The following MACROD2 variants were observed in gnomAD, a reference collection of about 807,000 sequenced individuals.
MACROD2 encodes the protein mono-ADP ribosylhydrolase 2.
In MACROD2, 36 loss-of-function variants were observed where a neutral mutation model predicts 70.4. The observed-to-expected ratio is 0.51, with a 90% CI of 0.39 to 0.68. MACROD2 has a LOEUF of 0.68. Ranked by LOEUF, MACROD2 falls within the 30% of genes least tolerant of loss-of-function variation. The probability of loss-of-function intolerance (pLI) is 0.00; values close to 1 mark genes in which losing one functional copy is unlikely to be tolerated. For missense variants in MACROD2, 496 were observed against 538.4 expected, an observed-to-expected ratio of 0.92 and a Z score of 0.78; for synonymous variants, 172 against 178.8, an observed-to-expected ratio of 0.96 and a Z score of 0.30.
intron 10 of MACROD2, among the ~76,000 whole-genome samples, chr20:15,905,566 A>G (rs2065134509): frequency 6.6e-6 from 1 of 152,216 alleles, no homozygotes; most frequent in East Asian, 1.9e-4. Context: ...ATTGTTTTCA[A>G]TGTTGACACC....
chr20:14,027,011 C>T (rs2053177637), intron 2 of MACROD2, among the ~76,000 whole-genome samples: 1 of 152,208 alleles, frequency 6.6e-6, no homozygotes, highest in Non-Finnish European at 1.5e-5. Flanking sequence ...CTAGGTGACA[C>T]CTCCCAGCAG....
At chr20:14,596,337 G>A (rs1227305093) in intron 4 of MACROD2, among the ~76,000 whole-genome samples, 3 of 150,518 alleles carry the variant, frequency 2.0e-5, no homozygotes, top group East Asian at 1.9e-4. Context: ...TGATCCTCCC[G>A]CCTCGGCCTC....
intron 8 of MACROD2, among the ~76,000 whole-genome samples, chr20:15,749,044 G>A (rs1229367142): frequency 6.6e-6 from 1 of 151,974 alleles, no homozygotes; most frequent in Non-Finnish European, 1.5e-5. Context: ...CAAATACATA[G>A]CTCTTACCAT....
At chr20:14,176,002 T>G (rs1337647645) in intron 3 of MACROD2, among the ~76,000 whole-genome samples, 1 of 152,220 alleles carries the variant, frequency 6.6e-6, no homozygotes, top group African/African-American at 2.4e-5. Context: ...CAAATATAAA[T>G]ATAGTTCAGC....
chr20:14,548,713 G>T (rs1187122302), intron 4 of MACROD2, among the ~76,000 whole-genome samples: 1 of 8,754 alleles, frequency 1.1e-4, no homozygotes, highest in African/African-American at 2.9e-4. Context: ...GTGAGACTCC[G>T]TCTCAAAAAA....
chr20:14,113,124 T>G (rs2054473420), intron 3 of MACROD2, among the ~76,000 whole-genome samples: 1 of 152,058 alleles, frequency 6.6e-6, no homozygotes, highest in African/African-American at 2.4e-5. Flanking sequence ...TTCAACATTC[T>G]TCTCTAGTTT....
intron 8 of MACROD2, among the ~76,000 whole-genome samples, chr20:15,637,266 G>A (rs2049384348): frequency 6.6e-6 from 1 of 152,228 alleles, no homozygotes; most frequent in Non-Finnish European, 1.5e-5. Context: ...ACAGGGGAAA[G>A]AACAGTGTCT....
chr20:14,952,691 G>A (rs941435264), intron 5 of MACROD2, among the ~76,000 whole-genome samples: 2 of 152,024 alleles, frequency 1.3e-5, no homozygotes, highest in African/African-American at 2.4e-5. Flanking sequence ...TATATCATCA[G>A]TGGAAATATA....
rs555166099 is a variant in MACROD2 at position 14,950,867 on chromosome 20, G to A, written c.418+265908G>A. Among the ~76,000 whole-genome samples, 15 of 152,216 alleles carry A rather than the reference G, an allele frequency of 9.9e-5. No homozygotes were observed. The South Asian group carries it at 2.9e-3, about 29-fold the overall frequency. On this transcript the variant is annotated intron_variant, in intron 5 of 17. Transcript: ENST00000684519. ...GTGACAATCTTCAAACTTAGGAGTC[G>A]TTAAAAGGCTTCTTTGTTGCTTGGT...
chr20:15,914,513 C>T (rs2065283890), intron 10 of MACROD2, among the ~76,000 whole-genome samples: 1 of 152,132 alleles, frequency 6.6e-6, no homozygotes, highest in Non-Finnish European at 1.5e-5. Context: ...GTAGCATACA[C>T]CTTTCAGTAT....
intron 8 of MACROD2, among the ~76,000 whole-genome samples, chr20:15,565,674 G>A (rs773443055): frequency 7.3e-4 from 111 of 152,220 alleles, no homozygotes; most frequent in Middle Eastern, 6.8e-3. Context: ...AGAGTTCAGC[G>A]GCACTATCGT....
At chr20:14,956,023 G>GT (rs750168380) in intron 5 of MACROD2, among the ~76,000 whole-genome samples, 29,452 of 143,480 alleles carry the variant, frequency 0.21, 3,982 homozygotes, top group African/African-American at 0.37. Flanking sequence ...GCTTTTAGCT[G>GT]TTTTTTTTTT....
intron 5 of MACROD2, among the ~76,000 whole-genome samples, chr20:15,192,790 G>C (rs2076580459): frequency 6.6e-6 from 1 of 152,186 alleles, no homozygotes; most frequent in Admixed American, 6.5e-5. Flanking sequence ...AAACAGCAGA[G>C]GGTTCTAGGA....
chr20:15,389,625 G>A (rs1178390332), intron 6 of MACROD2, among the ~76,000 whole-genome samples: 2 of 152,224 alleles, frequency 1.3e-5, no homozygotes, highest in African/African-American at 4.8e-5. Flanking sequence ...GATAAAGGCT[G>A]TAAAATAGCC....
chr20:14,618,927 C>G (rs1983639324), intron 4 of MACROD2, among the ~76,000 whole-genome samples: 1 of 152,018 alleles, frequency 6.6e-6, no homozygotes, highest in African/African-American at 2.4e-5. Flanking sequence ...ATCCTTAGAA[C>G]CTTAGTTTTC....
intron 8 of MACROD2, among the ~76,000 whole-genome samples, chr20:15,600,742 G>A (rs1465354768): frequency 2.6e-5 from 4 of 152,146 alleles, no homozygotes; most frequent in Non-Finnish European, 2.9e-5. Context: ...AAGCTAATGC[G>A]AGCAATCAGC....
chr20:14,757,832 G>C, intron 5 of MACROD2: 4 of 1,525,344 alleles, frequency 2.6e-6, no homozygotes, highest in Non-Finnish European at 3.6e-6. Context: ...GATTGTGCCT[G>C]CCACTCTATG....
At chr20:15,047,638 AC>A (rs1868291296) in intron 5 of MACROD2, among the ~76,000 whole-genome samples, 1 of 152,094 alleles carries the variant, frequency 6.6e-6, no homozygotes, top group Non-Finnish European at 1.5e-5. Context: ...TATTCTAGCC[AC>A]CCTGCCCCTC....
chr20:15,635,769 T>G (rs2049354128), intron 8 of MACROD2, among the ~76,000 whole-genome samples: 1 of 152,100 alleles, frequency 6.6e-6, no homozygotes, highest in Non-Finnish European at 1.5e-5. Flanking sequence ...CCCCACATTT[T>G]AGAAATCCCC....
Sources: allele counts gnomAD v4.1 joint callset (sites outside exome capture counted in the v4.1 genomes callset), GRCh38; gene constraint gnomAD v4.1.1; transcripts MANE v1.5; gene names NCBI Gene and HGNC (gene_info 2026-07-23, HGNC 2026-07-21).